SPECC1: variants seen among roughly 807,000 people sequenced by gnomAD.
SPECC1 encodes cytospin-B.
A neutral mutation model predicts 104.1 loss-of-function variants in SPECC1; 62 were observed. The ratio of observed to expected loss-of-function variants is 0.60; its 90% CI spans 0.49 to 0.74. The LOEUF (loss-of-function observed/expected upper bound fraction) is 0.74. Among genes scored for constraint, SPECC1 ranks in the 30% least tolerant of loss-of-function variants. The pLI is 0.00. For missense variants in SPECC1, 1,306 were observed against 1,310.5 expected, an observed-to-expected ratio of 1.00 and a Z score of 0.05; for synonymous variants, 513 against 501.6, an observed-to-expected ratio of 1.02 and a Z score of -0.30.
intron 3 of SPECC1, chr17:20,156,075 T>G: frequency 7.6e-7 from 1 of 1,324,182 alleles, no homozygotes; most frequent in Non-Finnish European, 9.6e-7. Context: ...GCCCGGTCCT[T>G]TCTTTGACTG....
intron 3 of SPECC1, among the ~76,000 whole-genome samples, chr17:20,165,178 T>A (rs145074362): frequency 9.6e-4 from 146 of 152,236 alleles, no homozygotes; most frequent in African/African-American, 2.6e-3. Flanking sequence ...ATTAGCTGTT[T>A]ATCCTGATGC....
intron 3 of SPECC1, among the ~76,000 whole-genome samples, chr17:20,127,531 C>T (rs936708166): frequency 6.8e-6 from 1 of 148,118 alleles, no homozygotes; most frequent in African/African-American, 2.5e-5. Context: ...TAGCCTGGAG[C>T]TCCTGGGCTC....
chr17:20,081,111 T>C lies in SPECC1; in HGVS notation c.-21-15520T>C, dbSNP rs188289720. 1.5e-3 allele frequency among the ~76,000 whole-genome samples: 231 copies of C among 152,330 alleles called. 2 individuals are homozygous for C. Among genetic ancestry groups the C allele is most frequent in the African/African-American group, 5.2e-3 (217 of 41,580 alleles). On this transcript the variant is annotated intron_variant, in intron 1 of 14. Transcript: ENST00000395527. ...GGGTCTTTTCCTTCCTGCTGGGTCA[T>C]GTGCCCCTTGAATAAGCTCTTCTGT...
intron 3 of SPECC1, chr17:20,155,765 C>G (rs2032411754): frequency 3.2e-6 from 1 of 314,676 alleles, no homozygotes; most frequent in South Asian, 1.2e-4. Flanking sequence ...TCCAGCCTAC[C>G]TTGTGCAGCT....
chr17:20,125,787 G>T (rs189467408), intron 3 of SPECC1, among the ~76,000 whole-genome samples: 1 of 152,186 alleles, frequency 6.6e-6, no homozygotes, highest in Non-Finnish European at 1.5e-5. Flanking sequence ...GACCAGACTG[G>T]CTTTCAGCTT....
intron 1 of SPECC1, among the ~76,000 whole-genome samples, chr17:20,035,479 A>G (rs980130422): frequency 2.0e-5 from 3 of 152,166 alleles, no homozygotes; most frequent in African/African-American, 7.2e-5. Context: ...TGTAGTTTTC[A>G]GCACACAAGT....
chr17:20,158,441 C>T (rs2032808848), intron 3 of SPECC1, among the ~76,000 whole-genome samples: 1 of 152,224 alleles, frequency 6.6e-6, no homozygotes, highest in African/African-American at 2.4e-5. Flanking sequence ...GATCATGATG[C>T]AGACCCAACA....
In SPECC1 at chr17:20,318,182, G is replaced by T. The variant is rs749414525; in HGVS notation, c.*4117G>T. The T allele has an allele frequency of 3.0e-5, 7 of 231,148 alleles. No homozygotes were observed. Among genetic ancestry groups the T allele is most frequent in the Admixed American group, 5.7e-5 (1 of 17,682 alleles). 14.3% of individuals were successfully genotyped at this position (231,148 alleles called of 1,614,324 possible). A position where few individuals can be genotyped will look rare whatever the true frequency, so the allele number is the denominator to read the frequency against. Reference sequence around the variant, plus strand: ...ATGTATCATTTTTACATGAAAGACAGCTGCAAAATGCAAGCCCCAGTAGAG... The same window carrying T: ...ATGTATCATTTTTACATGAAAGACATCTGCAAAATGCAAGCCCCAGTAGAG... On this transcript the variant is annotated 3_prime_UTR_variant, in exon 15 of 15. Coordinates refer to ENST00000395527, the MANE Select transcript of SPECC1 (RefSeq NM_001243439.2).
intron 1 of SPECC1, among the ~76,000 whole-genome samples, chr17:20,077,466 G>T (rs6587215): frequency 0.56 from 84,497 of 150,692 alleles, 24,261 homozygotes; most frequent in African/African-American, 0.66. Context: ...TTGTTTGTTT[G>T]TTTTGTTTTT....
intron 7 of SPECC1, 74 bp downstream of exon 7, chr17:20,232,479 C>T: frequency 1.4e-6 from 2 of 1,464,538 alleles, no homozygotes; most frequent in Non-Finnish European, 1.8e-6. Context: ...GGGGATGGGA[C>T]TCTTCATGTC....
intron 1 of SPECC1, among the ~76,000 whole-genome samples, chr17:20,019,482 C>T (rs1381213670): frequency 3.3e-5 from 5 of 152,004 alleles, no homozygotes; most frequent in African/African-American, 7.2e-5. Flanking sequence ...TAGCATGGCA[C>T]GTGCTCAGCA....
In SPECC1 at chr17:20,204,588, A is replaced by G. The variant is rs1484644967; in HGVS notation, c.539A>G (p.Lys180Arg). The G allele has an allele frequency of 2.5e-6, 4 of 1,614,124 alleles. No individual in the cohort carries two copies. The highest frequency in any genetic ancestry group is 3.4e-6 in the Non-Finnish European group (4 of 1,180,050). ...VRELLAEAKA[K>R]DSEINRLRSE... is the part of the protein sequence containing the mutation. ...GAACTTTTGGCAGAAGCCAAAGCAA[A>G]AGATAGTGAAATTAACAGGCTTCGA... is the stretch of plus-strand genomic sequence containing the variant. The change falls in exon 4 of 15, where the codon AAA becomes AGA. Residue 180 changes from lysine (K) to arginine (R), a missense_variant. Physicochemically the swap from Lys to Arg is conservative, Grantham distance 26. Coordinates refer to ENST00000395527, the MANE Select transcript of SPECC1 (RefSeq NM_001243439.2).
At chr17:20,174,298 T>C (rs1597882257) in intron 3 of SPECC1, among the ~76,000 whole-genome samples, 1 of 152,156 alleles carries the variant, frequency 6.6e-6, no homozygotes, top group Non-Finnish European at 1.5e-5. Context: ...TAAATTACAA[T>C]AAAGGTGATT....
At chr17:20,266,194 T>C (rs1254575568) in intron 12 of SPECC1, among the ~76,000 whole-genome samples, 2 of 152,244 alleles carry the variant, frequency 1.3e-5, no homozygotes, top group Non-Finnish European at 2.9e-5. Context: ...TACTGATTTT[T>C]CCAATCCATG....
chr17:20,138,164 A>G (rs537850128), intron 3 of SPECC1, among the ~76,000 whole-genome samples: 7 of 151,912 alleles, frequency 4.6e-5, no homozygotes, highest in South Asian at 4.2e-4. Flanking sequence ...GGGTGTCACT[A>G]TGTTGCCCAG....
At chr17:20,230,483 T>C (rs2038503983) in intron 5 of SPECC1, among the ~76,000 whole-genome samples, 1 of 143,312 alleles carries the variant, frequency 7.0e-6, no homozygotes, top group Admixed American at 7.0e-5. Flanking sequence ...AGCACCATGA[T>C]TGAGAAGAAA....
chr17:20,231,784 A>C lies in SPECC1; in HGVS notation c.2098A>C (p.Lys700Gln). The change falls in exon 6 of 15, where the codon AAG becomes CAG. Residue 700 changes from lysine (K) to glutamine (Q), a missense_variant. Lys to Gln is a moderately conservative substitution (Grantham distance 53, BLOSUM62 1). Around this residue, in one of 2 missense-constraint regions of SPECC1, gnomAD observed 1,177 missense variants for 1,139.9 expected, o/e 1.03. Coordinates refer to ENST00000395527, the MANE Select transcript of SPECC1 (RefSeq NM_001243439.2). ...TAGTGTGATCAAGCTGGAGGAACAG[A>C]AGTCAGACCTGGAGAGGCAGCTGAA... ...ESSVIKLEEQ[K>Q]SDLERQLKTL... The C allele has an allele frequency of 6.2e-7, 1 of 1,614,066 alleles. No homozygotes were observed. Among genetic ancestry groups the C allele is most frequent in the East Asian group, 2.2e-5 (1 of 44,848 alleles).
At position 20,208,872 on chromosome 17, in the gene SPECC1, T is replaced by C. The variant is rs146339181; in HGVS notation, c.1863+2960T>C. The stretch of plus-strand genomic sequence containing the variant: ...GCTGGAGTGTAGTGGCGATTATAGC[T>C]CACTGCAGCCTTGAACTCCTGGGCT... On this transcript the variant is annotated intron_variant, in intron 4 of 14. Transcript: ENST00000395527. Among the ~76,000 whole-genome samples, 1,045 of 152,280 alleles carry C rather than the reference T, an allele frequency of 6.9e-3. 12 individuals carry two copies. The highest frequency in any genetic ancestry group is 0.024 in the African/African-American group (996 of 41,558).
At chr17:20,197,583 T>C (rs181093219) in intron 3 of SPECC1, among the ~76,000 whole-genome samples, 4 of 152,354 alleles carry the variant, frequency 2.6e-5, no homozygotes, top group African/African-American at 7.2e-5. Flanking sequence ...ATATGATTTT[T>C]AGATCTAACT....
Sources: allele counts gnomAD v4.1 joint callset (sites outside exome capture counted in the v4.1 genomes callset), GRCh38; gene constraint gnomAD v4.1.1; regional missense constraint gnomAD v4.1.1; transcripts MANE v1.5; gene names NCBI Gene and HGNC (gene_info 2026-07-23, HGNC 2026-07-21).